The following DYRK4 variants were observed in gnomAD, a reference collection of about 807,000 sequenced individuals.
DYRK4 encodes the protein dual specificity tyrosine phosphorylation regulated kinase 4.
DYRK4 carries 64 observed loss-of-function variants against 68.3 expected under a neutral mutation model. The ratio of observed to expected loss-of-function variants is 0.94; its 90% CI spans 0.77 to 1.15. The LOEUF is 1.15. DYRK4 is among the 50% of genes most tolerant of loss of function. DYRK4 has a pLI of 0.00. For synonymous variants in DYRK4, 274 were observed against 289.9 expected, an observed-to-expected ratio of 0.95 and a Z score of 0.56; for missense variants, 740 against 764.7, an observed-to-expected ratio of 0.97 and a Z score of 0.38.
At chr12:4,610,552 A>C in intron 13 of DYRK4, 1 of 263,618 alleles carries the variant, frequency 3.8e-6, no homozygotes. Flanking sequence ...CCTGCCCTGG[A>C]ATACACAGCG....
At position 4,596,254 on chromosome 12, in the gene DYRK4, G is replaced by C. The variant is rs142320223; in HGVS notation, c.733G>C (p.Val245Leu). 126 of 1,614,064 alleles carry C rather than the reference G, an allele frequency of 7.8e-5. 1 individual carries two copies. The African/African-American group carries it at 1.5e-3, about 19-fold the overall frequency. Reference protein sequence around the residue: ...KCLDHKNNELVALKIIRNKKR... With the variant: ...KCLDHKNNELLALKIIRNKKR... Reference sequence around the variant, plus strand: ...CTTGGATCACAAAAACAATGAGCTGGTGGCCCTGAAAATCATCAGGAACAA... The same window carrying C: ...CTTGGATCACAAAAACAATGAGCTGCTGGCCCTGAAAATCATCAGGAACAA... The change falls in exon 7 of 15, where the codon GTG (valine) becomes CTG (leucine). Residue 245 changes from valine (V) to leucine (L), a missense_variant. By Grantham distance (32) the Val-to-Leu change is conservative. Around this residue, in one of 3 missense-constraint regions of DYRK4, gnomAD observed 614 missense variants for 603.7 expected, o/e 1.02. Coordinates refer to ENST00000543431, the MANE Select transcript of DYRK4 (RefSeq NM_001394779.1).
intron 8 of DYRK4, 148 bp downstream of exon 8, chr12:4,596,877 G>A (rs2137377174): frequency 6.7e-7 from 1 of 1,485,028 alleles, no homozygotes; most frequent in East Asian, 2.4e-5. Flanking sequence ...GAATGCCCAG[G>A]AGCAAGGAGG....
rs1944949623 is a variant in DYRK4, at chr12:4,591,122, T to A, written c.325-38T>A. ...TGGTTTATGGCCCCCAGGAGAGTCCTAAGTAGTTATTTATTGCAAACCTCT... is the reference window on the plus strand; with the variant it reads ...TGGTTTATGGCCCCCAGGAGAGTCCAAAGTAGTTATTTATTGCAAACCTCT... On this transcript the variant is annotated intron_variant, in intron 4 of 14. Transcript: ENST00000543431. This position sits in a 1 kb window ranked among gnomAD's most constrained non-coding sequence, Gnocchi z 4.1. The A allele has an allele frequency of 6.2e-7, 1 of 1,610,050 alleles. No individual in the cohort carries two copies. The highest frequency in any genetic ancestry group is 1.3e-5 in the African/African-American group (1 of 74,756).
chr12:4,572,065 G>C (rs2137325043), intron 2 of DYRK4, among the ~76,000 whole-genome samples: 1 of 152,318 alleles, frequency 6.6e-6, no homozygotes, highest in African/African-American at 2.4e-5. Flanking sequence ...AACAAAACAG[G>C]CCGTAAAACT....
intron 8 of DYRK4, 149 bp from the exon 9 acceptor site, chr12:4,598,879 G>C: frequency 1.2e-6 from 1 of 810,848 alleles, no homozygotes; most frequent in Non-Finnish European, 2.0e-6. Flanking sequence ...GGAAAGCTGA[G>C]TCTATAAGGG....
intron 13 of DYRK4, among the ~76,000 whole-genome samples, chr12:4,612,176 G>A (rs1429959073): frequency 6.6e-6 from 1 of 152,110 alleles, no homozygotes; most frequent in Non-Finnish European, 1.5e-5. Flanking sequence ...CAATATTTTT[G>A]AAGCCCCAAT....
intron 2 of DYRK4, chr12:4,573,249 A>T (rs532261174): frequency 8.6e-7 from 1 of 1,161,588 alleles, no homozygotes; most frequent in Non-Finnish European, 1.1e-6. Context: ...ATAGGCATTT[A>T]CTTCTATATA....
At chr12:4,596,790 T>G in intron 8 of DYRK4, 61 bp downstream of exon 8, 1 of 1,605,694 alleles carries the variant, frequency 6.2e-7, no homozygotes. Context: ...TGATAGTTTT[T>G]GAGGTCAGAA....
intron 1 of DYRK4, among the ~76,000 whole-genome samples, chr12:4,565,880 C>A (rs554989794): frequency 6.6e-6 from 1 of 152,188 alleles, no homozygotes; most frequent in Non-Finnish European, 1.5e-5. Flanking sequence ...CCACCCGCCA[C>A]GGCCTCCCAA....
At position 4,607,383 on chromosome 12, in the gene DYRK4, C is replaced by A; in HGVS notation, c.1356C>A (p.Phe452Leu). The A allele has an allele frequency of 6.2e-7, 1 of 1,614,178 alleles. No homozygotes were observed. Among genetic ancestry groups the A allele is most frequent in the East Asian group, 2.2e-5 (1 of 44,882 alleles). ...FIQTASRRQT[F>L]FDSKGFPKNI... ...AGACAGCCTCCAGGAGACAGACATT[C>A]TTTGGTAAGTCCTAGTGTGTCTCAT... The change falls in exon 12 of 15, where the codon TTC (phenylalanine) becomes TTA (leucine). Residue 452 changes from phenylalanine (F) to leucine (L), a missense_variant. Physicochemically the swap from Phe to Leu is conservative, Grantham distance 22. Transcript: ENST00000543431.
At chr12:4,608,064 C>T (rs1400063746) in intron 12 of DYRK4, among the ~76,000 whole-genome samples, 3 of 152,266 alleles carry the variant, frequency 2.0e-5, no homozygotes, top group Non-Finnish European at 4.4e-5. Context: ...AAGGATGGGT[C>T]GACAAGGTAT....
At chr12:4,585,775 A>T (rs1239160531) in intron 2 of DYRK4, among the ~76,000 whole-genome samples, 1 of 152,274 alleles carries the variant, frequency 6.6e-6, no homozygotes, top group African/African-American at 2.4e-5. Context: ...CTTAAAGTAT[A>T]ATAATAATTT....
rs529518257 is a variant in DYRK4 at position 4,592,313 on chromosome 12, C to A, written c.464-689C>A. 1.4e-4 allele frequency among the ~76,000 whole-genome samples: 21 copies of A among 152,300 alleles called. 1 individual carries two copies. The highest frequency in any genetic ancestry group is 5.1e-4 in the African/African-American group (21 of 41,560). On this transcript the variant is annotated intron_variant, in intron 5 of 14. Transcript: ENST00000543431. ...AGTCTTGTTCCCTATAAGTCTTTTTCTTTTTCCTTGCAGTTCCCTCTCTAG... is the reference window on the plus strand; with the variant it reads ...AGTCTTGTTCCCTATAAGTCTTTTTATTTTTCCTTGCAGTTCCCTCTCTAG...
chr12:4,587,768 G>A (rs1180617844), intron 2 of DYRK4, among the ~76,000 whole-genome samples: 3 of 152,210 alleles, frequency 2.0e-5, no homozygotes, highest in East Asian at 3.8e-4. Flanking sequence ...TTACTGTGCT[G>A]TGCAGGACTT....
At chr12:4,603,616 C>T (rs867372215) in intron 10 of DYRK4, among the ~76,000 whole-genome samples, 51 of 152,366 alleles carry the variant, frequency 3.3e-4, no homozygotes, top group Middle Eastern at 6.8e-3. Context: ...GCAGCCAGGA[C>T]CACACTGCCA....
At chr12:4,569,799 G>T (rs931572923) in intron 2 of DYRK4, among the ~76,000 whole-genome samples, 1 of 152,006 alleles carries the variant, frequency 6.6e-6, no homozygotes, top group East Asian at 1.9e-4. Context: ...ACGCCTCTCT[G>T]TTGCATGAGG....
At chr12:4,606,557 G>A (rs190736394) in intron 11 of DYRK4, among the ~76,000 whole-genome samples, 1 of 152,316 alleles carries the variant, frequency 6.6e-6, no homozygotes, top group Admixed American at 6.5e-5. Flanking sequence ...TTTTGACTAG[G>A]CATTTCCCAG....
At chr12:4,577,591 G>T (rs547550584) in intron 2 of DYRK4, among the ~76,000 whole-genome samples, 30 of 152,116 alleles carry the variant, frequency 2.0e-4, no homozygotes, top group Non-Finnish European at 3.8e-4. Flanking sequence ...CTGTTCTTTG[G>T]TTTTGTGTTG....
intron 6 of DYRK4, among the ~76,000 whole-genome samples, chr12:4,594,752 A>AGCT (rs1944998130): frequency 6.6e-6 from 1 of 151,888 alleles, no homozygotes; most frequent in African/African-American, 2.4e-5. Context: ...GAAAGGGACA[A>AGCT]TGTGTGTTCT....
Sources: gnomAD v4.1 joint callset for allele counts (sites outside exome capture counted in the v4.1 genomes callset) on GRCh38, gnomAD v4.1.1 for gene constraint, gnomAD v4.1.1 regional missense constraint, Gnocchi (gnomAD v3.1) non-coding constraint, MANE v1.5 for transcripts, NCBI Gene and HGNC (gene_info 2026-07-23, HGNC 2026-07-21) for gene names.